COL28A1: variants seen among roughly 807,000 people sequenced by gnomAD.
COL28A1 encodes the protein collagen alpha-1(XXVIII) chain.
Under a neutral mutation model 150.2 loss-of-function variants are expected in COL28A1, and 161 were observed. The ratio of observed to expected loss-of-function variants is 1.07; its 90% CI spans 0.94 to 1.22. The LOEUF (loss-of-function observed/expected upper bound fraction) is 1.22, where lower values mean the gene tolerates loss of function less well. COL28A1 is among the 50% of genes most tolerant of loss of function. COL28A1 has a pLI of 0.00. For synonymous variants in COL28A1, 552 were observed against 469.7 expected (o/e 1.18, Z -2.26); for missense variants, 1,617 against 1,388.3 (o/e 1.16, Z -2.62).
Position 7,373,355 on chromosome 7 carries a change from T to C in COL28A1, c.2551A>G (p.Asn851Asp), listed in dbSNP as rs1444406088. 6.2e-7 allele frequency: 1 copy of C among 1,614,076 alleles called. No homozygotes were observed. Among genetic ancestry groups the C allele is most frequent in the Non-Finnish European group, 8.5e-7 (1 of 1,180,042 alleles). The change falls in exon 32 of 35, where the codon AAT (asparagine) becomes GAT (aspartate). Residue 851 changes from asparagine (N) to aspartate (D), a missense_variant. Physicochemically the swap from Asn to Asp is conservative, Grantham distance 23. Coordinates refer to ENST00000399429, the MANE Select transcript of COL28A1 (RefSeq NM_001037763.3). This position sits in a 1 kb window ranked among gnomAD's most constrained non-coding sequence, Gnocchi z 4.1. ...TCCTTGCTGGAGAACTGCTTCAAATTAGCCACCTTCTCCACCTTATGGCTA... is the reference window on the plus strand; with the variant it reads ...TCCTTGCTGGAGAACTGCTTCAAATCAGCCACCTTCTCCACCTTATGGCTA... The part of the protein sequence containing the change: ...NYSHKVEKVA[N>D]LKQFSSKDDF...
At chr7:7,376,699 TTA>T (rs1418805334) in intron 30 of COL28A1, among the ~76,000 whole-genome samples, 2 of 133,632 alleles carry the variant, frequency 1.5e-5, no homozygotes, top group African/African-American at 2.8e-5. Context: ...ATTTATATAT[TTA>T]TGTTTAATTT....
upstream of COL28A1, among the ~76,000 whole-genome samples, chr7:7,540,795 G>A (rs1202846142): frequency 1.3e-5 from 2 of 152,130 alleles, no homozygotes; most frequent in African/African-American, 2.4e-5. Flanking sequence ...TAGTGCCTGG[G>A]CCATTAAAGG....
chr7:7,454,404 A>G (rs970331303), intron 16 of COL28A1, among the ~76,000 whole-genome samples: 1 of 152,218 alleles, frequency 6.6e-6, no homozygotes, highest in Non-Finnish European at 1.5e-5. Context: ...AAAGGTAAAT[A>G]AATTCTTTTC....
chr7:7,516,982 T>C (rs919146305), intron 7 of COL28A1, among the ~76,000 whole-genome samples: 2 of 152,150 alleles, frequency 1.3e-5, no homozygotes, highest in Non-Finnish European at 2.9e-5. Context: ...CGTAGAATTC[T>C]CTCCTATGAG....
intron 11 of COL28A1, among the ~76,000 whole-genome samples, chr7:7,499,786 T>C (rs1780422772): frequency 6.6e-6 from 1 of 152,192 alleles, no homozygotes; most frequent in African/African-American, 2.4e-5. Flanking sequence ...ATTAGTTATG[T>C]TTAGTAGGTT....
At chr7:7,374,771 T>C (rs1781455884) in intron 31 of COL28A1, among the ~76,000 whole-genome samples, 1 of 152,186 alleles carries the variant, frequency 6.6e-6, no homozygotes, top group Non-Finnish European at 1.5e-5. Flanking sequence ...GGCTGCTTCT[T>C]AGGCCCAGCA....
At chr7:7,414,571 G>A (rs1258882369) in intron 27 of COL28A1, among the ~76,000 whole-genome samples, 1 of 152,192 alleles carries the variant, frequency 6.6e-6, no homozygotes, top group East Asian at 1.9e-4. Context: ...TACCACAGCA[G>A]CAGCCCTGGG....
rs149332036 is a variant in COL28A1, at chr7:7,454,614, G to C, written c.1372-1106C>G. Among the ~76,000 whole-genome samples the C allele has an allele frequency of 1.7e-3, 266 of 152,234 alleles. 2 individuals are homozygous for C. The highest frequency in any genetic ancestry group is 5.9e-3 in the African/African-American group (247 of 41,532). ...TCCACCAAGGAACAGCATTAAAGGC[G>C]ACAGGAAGCTGTAGGTAGGAGGTCC... On this transcript the variant is annotated intron_variant, in intron 16 of 34. Transcript: ENST00000399429.
chr7:7,452,621 C>A (rs867653113), intron 17 of COL28A1, among the ~76,000 whole-genome samples: 9 of 152,178 alleles, frequency 5.9e-5, no homozygotes, highest in African/African-American at 2.2e-4. Context: ...ATATAGGCCA[C>A]ATAGCATATT....
intron 25 of COL28A1, among the ~76,000 whole-genome samples, chr7:7,432,108 T>C (rs1265841782): frequency 2.0e-5 from 3 of 152,094 alleles, no homozygotes; most frequent in African/African-American, 7.2e-5. Flanking sequence ...GGAGAAAAGA[T>C]AGGTATTTGG....
Position 7,462,324 on chromosome 7 carries a change from T to C in COL28A1, c.1303-6212A>G, listed in dbSNP as rs118041221. The stretch of plus-strand genomic sequence containing the variant: ...GGTAATATGACGAAACAAGGTTGTT[T>C]AACACCCCCAAAAAATTACACTAGC... On this transcript the variant is annotated intron_variant, in intron 15 of 34. Coordinates refer to ENST00000399429, the MANE Select transcript of COL28A1 (RefSeq NM_001037763.3). 8.2e-3 allele frequency among the ~76,000 whole-genome samples: 1,249 copies of C among 152,232 alleles called. 9 individuals carry two copies. The highest frequency in any genetic ancestry group is 0.012 in the Non-Finnish European group (795 of 68,012).
intron 11 of COL28A1, among the ~76,000 whole-genome samples, chr7:7,498,101 C>T (rs1376244023): frequency 6.6e-6 from 1 of 152,144 alleles, no homozygotes; most frequent in Non-Finnish European, 1.5e-5. Context: ...TTCTAGAATG[C>T]TATTAGGTTT....
intron 27 of COL28A1, among the ~76,000 whole-genome samples, chr7:7,406,478 T>C (rs1030387062): frequency 2.6e-5 from 4 of 152,188 alleles, no homozygotes; most frequent in African/African-American, 7.2e-5. Context: ...GCTCACAGAA[T>C]TTCTTTTTAC....
At chr7:7,510,316 A>T (rs776233524) in intron 9 of COL28A1, among the ~76,000 whole-genome samples, 4 of 151,922 alleles carry the variant, frequency 2.6e-5, no homozygotes, top group African/African-American at 4.8e-5. Context: ...AGACGGAGTC[A>T]CTCTGTCACC....
At chr7:7,483,832 GATA>G (rs1339185601) in intron 13 of COL28A1, among the ~76,000 whole-genome samples, 1 of 151,912 alleles carries the variant, frequency 6.6e-6, no homozygotes, top group Non-Finnish European at 1.5e-5. Context: ...ATAGTAAAAA[GATA>G]ATAAATATAG....
intron 9 of COL28A1, among the ~76,000 whole-genome samples, chr7:7,510,752 G>T (rs1418191377): frequency 6.6e-6 from 1 of 152,134 alleles, no homozygotes; most frequent in Non-Finnish European, 1.5e-5. Context: ...TTCAGTGTTT[G>T]CATCTGGAAA....
At chr7:7,538,921 T>C (rs1249460309), upstream of COL28A1, among the ~76,000 whole-genome samples, 1 of 152,126 alleles carries the variant, frequency 6.6e-6, no homozygotes, top group African/African-American at 2.4e-5. Flanking sequence ...TTTGAAGAAA[T>C]TTGTTCTTGA....
intron 8 of COL28A1, among the ~76,000 whole-genome samples, chr7:7,513,134 G>A (rs1484171218): frequency 6.6e-6 from 1 of 152,188 alleles, no homozygotes; most frequent in Non-Finnish European, 1.5e-5. Context: ...GTGCTCTATG[G>A]AGGGAAATCA....
chr7:7,360,304 T>C, intron 34 of COL28A1, 86 bp downstream of exon 34: 6 of 1,308,868 alleles, frequency 4.6e-6, no homozygotes, highest in South Asian at 1.8e-5. Flanking sequence ...CAGTAGCAGA[T>C]TGGCAGATCT....
Sources: gnomAD v4.1 joint callset for allele counts (sites outside exome capture counted in the v4.1 genomes callset) on GRCh38, gnomAD v4.1.1 for gene constraint, Gnocchi (gnomAD v3.1) non-coding constraint, MANE v1.5 for transcripts, NCBI Gene and HGNC (gene_info 2026-07-23, HGNC 2026-07-21) for gene names.